Variants in ZNF732 observed in about 807,000 individuals in gnomAD.
ZNF732 encodes the protein zinc finger protein 732, also known as zinc finger protein LOC654254.
A neutral mutation model predicts 11.5 loss-of-function variants in ZNF732; 12 were observed. The ratio of observed to expected loss-of-function variants is 1.05; its 90% CI spans 0.67 to 1.70. The LOEUF (loss-of-function observed/expected upper bound fraction) is 1.70. Among genes scored for constraint, ZNF732 ranks in the 40% most tolerant of loss-of-function variants. The pLI, the probability that ZNF732 is intolerant of heterozygous loss-of-function variation, is 0.00. For synonymous variants in ZNF732, 231 were observed against 236.5 expected (o/e 0.98, Z 0.21); for missense variants, 702 against 676.9 (o/e 1.04, Z -0.41).
At position 298,377 on chromosome 4, in the gene ZNF732, G is replaced by T. The variant is rs577089396; in HGVS notation, c.4-2222C>A. Among the ~76,000 whole-genome samples the T allele has an allele frequency of 1.6e-4, 25 of 151,956 alleles. 1 individual carries two copies. Among genetic ancestry groups the T allele is most frequent in the African/African-American group, 6.0e-4 (25 of 41,454 alleles). ...GGACCATATGAAATAGAAGTAATTAGCTTATGGATTAGTTTGAGTCTCCGG... is the reference window on the plus strand; with the variant it reads ...GGACCATATGAAATAGAAGTAATTATCTTATGGATTAGTTTGAGTCTCCGG... On this transcript the variant is annotated intron_variant, in intron 1 of 3. Coordinates refer to ENST00000419098, the MANE Select transcript of ZNF732 (RefSeq NM_001137608.3).
At chr4:279,433 G>T (rs1247279582) in intron 3 of ZNF732, among the ~76,000 whole-genome samples, 1 of 140,968 alleles carries the variant, frequency 7.1e-6, no homozygotes, top group Non-Finnish European at 1.6e-5. Context: ...GTGACAGAGC[G>T]AGACTCCGTC....
intron 3 of ZNF732, among the ~76,000 whole-genome samples, chr4:283,290 T>C (rs2108655179): frequency 6.6e-6 from 1 of 152,284 alleles, no homozygotes; most frequent in Admixed American, 6.5e-5. Flanking sequence ...CTGTAGGATA[T>C]TGTTATTGAT....
At chr4:304,539 C>A (rs1028495894) in intron 1 of ZNF732, among the ~76,000 whole-genome samples, 6 of 150,948 alleles carry the variant, frequency 4.0e-5, no homozygotes, top group African/African-American at 1.5e-4. Flanking sequence ...GCGAAGACCC[C>A]ACAAGCTCAG....
intron 1 of ZNF732, among the ~76,000 whole-genome samples, chr4:303,434 T>G (rs1462316173): frequency 1.3e-5 from 2 of 152,076 alleles, no homozygotes; most frequent in African/African-American, 4.8e-5. Flanking sequence ...CTGGCCAACA[T>G]GGTGAAACTC....
At chr4:278,336 T>A (rs868988262) in intron 3 of ZNF732, among the ~76,000 whole-genome samples, 1 of 152,232 alleles carries the variant, frequency 6.6e-6, no homozygotes, top group African/African-American at 2.4e-5. Flanking sequence ...ACATGCATGT[T>A]AATTATTATT....
intron 1 of ZNF732, among the ~76,000 whole-genome samples, chr4:301,068 A>C (rs1304962794): frequency 6.6e-6 from 1 of 152,258 alleles, no homozygotes; most frequent in African/African-American, 2.4e-5. Flanking sequence ...ATATGAATAG[A>C]CACTTCTCAA....
intron 3 of ZNF732, among the ~76,000 whole-genome samples, chr4:288,862 G>A (rs993716880): frequency 4.5e-4 from 68 of 152,176 alleles, no homozygotes; most frequent in African/African-American, 1.6e-3. Flanking sequence ...GACCATCCTG[G>A]CTAACACAGT....
intron 3 of ZNF732, among the ~76,000 whole-genome samples, chr4:290,118 TTATATAAGG>T (rs781808291): frequency 3.3e-5 from 5 of 152,194 alleles, no homozygotes; most frequent in Non-Finnish European, 4.4e-5. Context: ...AAGATTCCAC[TTATATAAGG>T]TATTTTACTT....
chr4:303,845 G>A lies in ZNF732; in HGVS notation c.3+1463C>T, dbSNP rs1272773253. Among the ~76,000 whole-genome samples, 3 of 152,260 alleles carry A rather than the reference G, an allele frequency of 2.0e-5. No homozygotes were observed. In the South Asian group the frequency reaches 6.2e-4, roughly 32 times the overall value. ...TGTGTGCACAGGAAATAAGATTTGT[G>A]AGGAAGAAAAAAGCAGAAGAGAGAA... On this transcript the variant is annotated intron_variant, in intron 1 of 3. Coordinates refer to ENST00000419098, the MANE Select transcript of ZNF732 (RefSeq NM_001137608.3).
rs182419378 is a variant in ZNF732, at chr4:271,519, G to A, written c.1338C>T (p.Tyr446=). ...AGGCTTTGCCACACTCTTCACATTT[G>A]TAAGGTTTCTCTCCAGTATGAATTA... ...HKIIHTGEKP[Y]KCEECGKAFG... is the part of the protein sequence containing the mutation. Residue 446 remains tyrosine, a synonymous_variant, in exon 4 of 4, where the codon TAC becomes TAT. Transcript: ENST00000419098. The A allele has an allele frequency of 4.3e-6, 7 of 1,610,436 alleles. No individual in the cohort carries two copies. Among genetic ancestry groups the A allele is most frequent in the Non-Finnish European group, 4.2e-6 (5 of 1,178,486 alleles).
chr4:270,972 G>T lies in ZNF732; in HGVS notation c.*127C>A. ...CAGTATGAATTCTTACTTTCATTCA[G>T]GGTTGTGGACCATCCAAAAGCTTTG... On this transcript the variant is annotated 3_prime_UTR_variant, in exon 4 of 4. Transcript: ENST00000419098. 3 of 864,566 alleles carry T rather than the reference G, an allele frequency of 3.5e-6. No individual in the cohort carries two copies. The highest frequency in any genetic ancestry group is 3.1e-5 in the South Asian group (2 of 63,624). 53.6% of individuals were successfully genotyped at this position (864,566 alleles called of 1,614,324 possible).
At chr4:275,422 TAAG>T (rs1398001897) in intron 3 of ZNF732, among the ~76,000 whole-genome samples, 1 of 151,592 alleles carries the variant, frequency 6.6e-6, no homozygotes, top group Admixed American at 6.6e-5. Flanking sequence ...TATATGGAAT[TAAG>T]AAACAGTGAA....
intron 3 of ZNF732, among the ~76,000 whole-genome samples, chr4:293,790 T>C (rs922728749): frequency 1.3e-5 from 2 of 152,212 alleles, no homozygotes; most frequent in Admixed American, 1.3e-4. Context: ...ATATCAATTA[T>C]AAAATATGTG....
Position 290,217 on chromosome 4 carries a change from A to T in ZNF732, c.226+5221T>A, listed in dbSNP as rs548776698. Among the ~76,000 whole-genome samples the T allele has an allele frequency of 2.0e-5, 3 of 152,338 alleles. No individual in the cohort carries two copies. The South Asian group carries it at 6.2e-4, about 32-fold the overall frequency. Reference sequence around the variant, plus strand: ...GAAACCTCAGTGGAGTCAAAGATCAAGGGGGGTTACTTGGAAAAAGCAGGC... The same window carrying T: ...GAAACCTCAGTGGAGTCAAAGATCATGGGGGGTTACTTGGAAAAAGCAGGC... On this transcript the variant is annotated intron_variant, in intron 3 of 3. Transcript: ENST00000419098.
chr4:276,680 GAT>G (rs797023156), intron 3 of ZNF732, among the ~76,000 whole-genome samples: 10 of 151,910 alleles, frequency 6.6e-5, no homozygotes, highest in African/African-American at 1.9e-4. Flanking sequence ...AAATTTGAAA[GAT>G]ATATATTGCT....
At chr4:285,959 G>A (rs183946705) in intron 3 of ZNF732, among the ~76,000 whole-genome samples, 2 of 152,178 alleles carry the variant, frequency 1.3e-5, no homozygotes, top group Non-Finnish European at 2.9e-5. Context: ...CCTAGGCATG[G>A]TGCAACCAGG....
intron 1 of ZNF732, among the ~76,000 whole-genome samples, chr4:301,274 T>C (rs1190704272): frequency 6.6e-6 from 1 of 152,206 alleles, no homozygotes; most frequent in Non-Finnish European, 1.5e-5. Flanking sequence ...TTGGTGGGAC[T>C]GTAAACTAGT....
At chr4:284,865 T>C (rs1424493486) in intron 3 of ZNF732, among the ~76,000 whole-genome samples, 3 of 102,532 alleles carry the variant, frequency 2.9e-5, no homozygotes, top group African/African-American at 4.0e-5. Flanking sequence ...AGTGAGACTC[T>C]GTCTCAAAAA....
At chr4:300,744 G>C (rs1439053608) in intron 1 of ZNF732, among the ~76,000 whole-genome samples, 1 of 152,166 alleles carries the variant, frequency 6.6e-6, no homozygotes, top group Non-Finnish European at 1.5e-5. Context: ...AGGGAGAAGG[G>C]AGTTGAAGTT....
Sources: allele counts gnomAD v4.1 joint callset (sites outside exome capture counted in the v4.1 genomes callset), GRCh38; gene constraint gnomAD v4.1.1; transcripts MANE v1.5; gene names NCBI Gene and HGNC (gene_info 2026-07-23, HGNC 2026-07-21).